LRRC7: variants seen among roughly 807,000 people sequenced by gnomAD.
LRRC7 encodes the protein leucine rich repeat containing 7.
Under a neutral mutation model 175.7 loss-of-function variants are expected in LRRC7, and 23 were observed. The observed-to-expected ratio is 0.13, with a 90% CI of 0.09 to 0.19. The LOEUF is 0.19. Among genes scored for constraint, LRRC7 ranks in the 10% least tolerant of loss-of-function variants. The probability of loss-of-function intolerance (pLI) is 1.00; values close to 1 mark genes in which losing one functional copy is unlikely to be tolerated. For missense variants in LRRC7, 1,354 were observed against 1,904.7 expected (o/e 0.71, Z 5.38); for synonymous variants, 685 against 680.9 (o/e 1.01, Z -0.09).
At chr1:69,652,861 G>A (rs762139916) in intron 1 of LRRC7, among the ~76,000 whole-genome samples, 50 of 152,098 alleles carry the variant, frequency 3.3e-4, no homozygotes, top group Middle Eastern at 3.4e-3. Context: ...CTTTGTCAAT[G>A]GCATCAAGAC....
At chr1:69,767,251 G>A (rs374690981) in intron 3 of LRRC7, among the ~76,000 whole-genome samples, 13 of 152,002 alleles carry the variant, frequency 8.6e-5, no homozygotes, top group South Asian at 6.2e-4. Flanking sequence ...TGATTATACC[G>A]TATGTCATTT....
In LRRC7 at chr1:69,790,415, T is replaced by C. The variant is rs562909765; in HGVS notation, c.304-1628T>C. Reference sequence around the variant, plus strand: ...TGAAAAAGAATACTGGGACTATTAATTCTTGAGCTCACTTCAGAATTTAGT... The same window carrying C: ...TGAAAAAGAATACTGGGACTATTAACTCTTGAGCTCACTTCAGAATTTAGT... On this transcript the variant is annotated intron_variant, in intron 3 of 26. Coordinates refer to ENST00000651989, the MANE Select transcript of LRRC7 (RefSeq NM_001370785.2). 2.1e-4 allele frequency among the ~76,000 whole-genome samples: 32 copies of C among 152,182 alleles called. No individual in the cohort carries two copies. In the South Asian group the frequency reaches 6.6e-3, roughly 32 times the overall value.
intron 2 of LRRC7, among the ~76,000 whole-genome samples, chr1:69,734,722 CCTTA>C (rs1207804151): frequency 6.6e-6 from 1 of 151,690 alleles, no homozygotes; most frequent in Non-Finnish European, 1.5e-5. Flanking sequence ...GTTTTGAATT[CCTTA>C]CTTTCTATTT....
At chr1:69,778,848 G>A (rs1673120472) in intron 3 of LRRC7, among the ~76,000 whole-genome samples, 1 of 151,284 alleles carries the variant, frequency 6.6e-6, no homozygotes, top group African/African-American at 2.4e-5. Flanking sequence ...ACTGATCAGG[G>A]CATAGAATGG....
At chr1:69,924,456 G>C (rs1229590370) in intron 7 of LRRC7, among the ~76,000 whole-genome samples, 1 of 152,098 alleles carries the variant, frequency 6.6e-6, no homozygotes, top group Non-Finnish European at 1.5e-5. Flanking sequence ...TCTTCCATTT[G>C]TATCCTCTTT....
At chr1:69,773,054 T>A (rs917257636) in intron 3 of LRRC7, among the ~76,000 whole-genome samples, 1 of 152,188 alleles carries the variant, frequency 6.6e-6, no homozygotes, top group Admixed American at 6.5e-5. Context: ...CTACTTAAAA[T>A]GTTTTGTTGT....
intron 22 of LRRC7, among the ~76,000 whole-genome samples, chr1:70,052,013 C>G (rs1660785657): frequency 6.6e-6 from 1 of 152,016 alleles, no homozygotes; most frequent in South Asian, 2.1e-4. Flanking sequence ...CAAAATATAG[C>G]TGCACACTCT....
At chr1:69,828,128 G>A (rs1407334143) in intron 5 of LRRC7, among the ~76,000 whole-genome samples, 1 of 151,944 alleles carries the variant, frequency 6.6e-6, no homozygotes, top group African/African-American at 2.4e-5. Flanking sequence ...TTATTCCCAG[G>A]TAGTATTCCA....
chr1:69,950,135 T>C (rs1242368780), intron 8 of LRRC7, among the ~76,000 whole-genome samples: 1 of 152,100 alleles, frequency 6.6e-6, no homozygotes, highest in Admixed American at 6.6e-5. Flanking sequence ...AATACAAAAC[T>C]TAATGAAACA....
At chr1:69,578,590 C>T (rs1361845827) in intron 1 of LRRC7, among the ~76,000 whole-genome samples, 3 of 151,164 alleles carry the variant, frequency 2.0e-5, no homozygotes, top group Non-Finnish European at 4.4e-5. Flanking sequence ...GGCACATATA[C>T]ACCATGGAAT....
At chr1:69,902,701 C>T (rs969931042) in intron 7 of LRRC7, among the ~76,000 whole-genome samples, 1 of 152,168 alleles carries the variant, frequency 6.6e-6, no homozygotes. Context: ...AAGAATCAGA[C>T]TTTTCTTGCT....
chr1:69,581,803 A>C (rs1283897189), intron 1 of LRRC7, among the ~76,000 whole-genome samples: 1 of 152,142 alleles, frequency 6.6e-6, no homozygotes. Flanking sequence ...TGAAAAGAAA[A>C]TACTAATTTC....
chr1:69,966,649 T>G (rs1013464489), intron 8 of LRRC7, among the ~76,000 whole-genome samples: 1 of 152,218 alleles, frequency 6.6e-6, no homozygotes, highest in Non-Finnish European at 1.5e-5. Flanking sequence ...CCCCAAATAC[T>G]GTGAGTGCCC....
intron 3 of LRRC7, among the ~76,000 whole-genome samples, chr1:69,781,690 AG>A (rs751843476): frequency 1.1e-4 from 3 of 27,252 alleles, no homozygotes; most frequent in East Asian, 2.0e-3. Flanking sequence ...AAAAAAAAGA[AG>A]AAAGAAAGAA....
intron 1 of LRRC7, among the ~76,000 whole-genome samples, chr1:69,646,060 T>TA (rs1238903762): frequency 6.6e-6 from 1 of 152,100 alleles, no homozygotes; most frequent in Admixed American, 6.6e-5. Flanking sequence ...TATGAATGAT[T>TA]AAAAAGATGT....
chr1:69,650,565 C>T (rs957953804), intron 1 of LRRC7, among the ~76,000 whole-genome samples: 1 of 111,108 alleles, frequency 9.0e-6, no homozygotes. Context: ...TGCCAAGCAT[C>T]TTTGGCATTT....
intron 23 of LRRC7, among the ~76,000 whole-genome samples, chr1:70,056,612 A>C (rs74085905): frequency 3.9e-5 from 6 of 152,308 alleles, no homozygotes; most frequent in Admixed American, 1.3e-4. Flanking sequence ...AAGAGAGAGA[A>C]GTAAGCTTCT....
At chr1:69,923,217 T>C (rs569366034) in intron 7 of LRRC7, among the ~76,000 whole-genome samples, 1 of 152,212 alleles carries the variant, frequency 6.6e-6, no homozygotes, top group Non-Finnish European at 1.5e-5. Context: ...CGGTCTATCA[T>C]TGTTGGACAT....
intron 24 of LRRC7, among the ~76,000 whole-genome samples, chr1:70,078,798 G>GCACACA (rs1327136403): frequency 2.0e-4 from 20 of 101,274 alleles, no homozygotes; most frequent in African/African-American, 1.2e-3. Context: ...ATATACGCGC[G>GCACACA]CGCGCGCGCG....
Sources: allele counts gnomAD v4.1 joint callset (sites outside exome capture counted in the v4.1 genomes callset), GRCh38; gene constraint gnomAD v4.1.1; transcripts MANE v1.5; gene names NCBI Gene and HGNC (gene_info 2026-07-23, HGNC 2026-07-21).